The following PHKB variants were observed in gnomAD, a reference collection of about 807,000 sequenced individuals.
The protein encoded by PHKB is phosphorylase b kinase regulatory subunit beta.
Under a neutral mutation model 152.1 loss-of-function variants are expected in PHKB, and 122 were observed. That is an observed-to-expected ratio of 0.80 (90% CI 0.69 to 0.93). The LOEUF (loss-of-function observed/expected upper bound fraction) is 0.93. Among genes scored for constraint, PHKB ranks in the 40% least tolerant of loss-of-function variants. The probability of loss-of-function intolerance (pLI) is 0.00; values close to 1 mark genes in which losing one functional copy is unlikely to be tolerated. For synonymous variants in PHKB, 436 were observed against 464.9 expected (o/e 0.94, Z 0.80); for missense variants, 1,304 against 1,328.4 (o/e 0.98, Z 0.29).
chr16:47,549,895 G>A (rs1315120929), intron 7 of PHKB, among the ~76,000 whole-genome samples: 1 of 152,040 alleles, frequency 6.6e-6, no homozygotes, highest in Non-Finnish European at 1.5e-5. Context: ...AAATCATTAT[G>A]TGATTTTTTT....
intron 1 of PHKB, among the ~76,000 whole-genome samples, chr16:47,483,781 C>T (rs938550024): frequency 7.9e-5 from 12 of 152,282 alleles, no homozygotes; most frequent in South Asian, 2.1e-4. Flanking sequence ...TGCACTGATT[C>T]GTCACCTTAT....
intron 5 of PHKB, among the ~76,000 whole-genome samples, chr16:47,514,964 AGTT>A (rs954559769): frequency 1.3e-5 from 2 of 152,176 alleles, no homozygotes; most frequent in Non-Finnish European, 2.9e-5. Context: ...ATGTTCCTGC[AGTT>A]GTTTACAGAA....
chr16:47,584,733 G>A (rs184125678), intron 8 of PHKB, among the ~76,000 whole-genome samples: 203 of 152,230 alleles, frequency 1.3e-3, no homozygotes, highest in Non-Finnish European at 1.7e-3. Context: ...ATAGTTTTGC[G>A]GTGTGGTTTT....
At chr16:47,622,399 T>G (rs1474354431) in intron 14 of PHKB, among the ~76,000 whole-genome samples, 1 of 152,198 alleles carries the variant, frequency 6.6e-6, no homozygotes, top group African/African-American at 2.4e-5. Flanking sequence ...AACAAAGGAT[T>G]GGGCTTTGGG....
rs184116624 is a variant in PHKB at position 47,505,757 on chromosome 16, G to A, written c.405+2667G>A. ...TTTGCACTTGAAAATAATAGGCCAG[G>A]CATGGTGGCTCACGCCTAAAATCAC... On this transcript the variant is annotated intron_variant, in intron 4 of 30. Transcript: ENST00000323584. Among the ~76,000 whole-genome samples the A allele has an allele frequency of 4.2e-3, 634 of 152,128 alleles. 6 individuals carry two copies. Among genetic ancestry groups the A allele is most frequent in the African/African-American group, 0.015 (604 of 41,520 alleles).
chr16:47,692,557 A>G (rs1408864857), intron 27 of PHKB, among the ~76,000 whole-genome samples: 1 of 152,122 alleles, frequency 6.6e-6, no homozygotes, highest in African/African-American at 2.4e-5. Context: ...TAGAGGTTGC[A>G]GTGAGCTATG....
At chr16:47,492,675 AAAAAG>A (rs1426155332) in intron 1 of PHKB, among the ~76,000 whole-genome samples, 1 of 152,170 alleles carries the variant, frequency 6.6e-6, no homozygotes, top group Non-Finnish European at 1.5e-5. Flanking sequence ...TTCCGTCACA[AAAAAG>A]AAAGGAAAAT....
rs1481161104 is a variant in PHKB, at chr16:47,580,361, A to G, written c.774+3A>G. On this transcript the variant is annotated splice_donor_region_variant and intron_variant, in intron 8 of 30. Coordinates refer to ENST00000323584, the MANE Select transcript of PHKB (RefSeq NM_000293.3). Reference sequence around the variant, plus strand: ...GATTCAACCTTTTTGGCAACCAGGTAAAAAATAAGACCCCCAGAATCTTTG... The same window carrying G: ...GATTCAACCTTTTTGGCAACCAGGTGAAAAATAAGACCCCCAGAATCTTTG... 5 of 1,597,880 alleles carry G rather than the reference A, an allele frequency of 3.1e-6. No homozygotes were observed. The highest frequency in any genetic ancestry group is 1.7e-5 in the Admixed American group (1 of 59,972).
chr16:47,566,682 A>G (rs923473666), intron 7 of PHKB: 6 of 833,810 alleles, frequency 7.2e-6, no homozygotes, highest in Admixed American at 6.8e-5. Flanking sequence ...AGTGGGAAGG[A>G]TGGAACGGTC....
In PHKB at chr16:47,693,371, G is replaced by A. The variant is rs199719186; in HGVS notation, c.2766-7G>A. 4.0e-5 allele frequency: 65 copies of A among 1,613,932 alleles called. No homozygotes were observed. In the African/African-American group the frequency reaches 7.6e-4, roughly 19 times the overall value. ...TTCAACTCTGAGACATTTGCCTTTT[G>A]TTACAGATGTTGGCTGAACAGGCGT... On this transcript the variant is annotated splice_polypyrimidine_tract_variant and splice_region_variant and intron_variant, in intron 27 of 30. Transcript: ENST00000323584.
At chr16:47,604,976 C>T (rs1368110675) in intron 13 of PHKB, among the ~76,000 whole-genome samples, 1 of 152,114 alleles carries the variant, frequency 6.6e-6, no homozygotes, top group African/African-American at 2.4e-5. Flanking sequence ...TCAGGATTGT[C>T]ACTCTTCACC....
chr16:47,683,485 C>T (rs1054816055), intron 26 of PHKB, among the ~76,000 whole-genome samples: 3 of 152,204 alleles, frequency 2.0e-5, no homozygotes, highest in Non-Finnish European at 2.9e-5. Context: ...CTCCCACCCT[C>T]GCTGCCGCCT....
At chr16:47,498,108 G>A (rs930350847) in intron 2 of PHKB, among the ~76,000 whole-genome samples, 2 of 152,068 alleles carry the variant, frequency 1.3e-5, no homozygotes, top group African/African-American at 4.8e-5. Flanking sequence ...CTTGTACTAG[G>A]ATGGCAGAAA....
intron 13 of PHKB, among the ~76,000 whole-genome samples, chr16:47,602,449 A>AACACCCAGCAAACTTGT (rs1207794049): frequency 2.0e-5 from 3 of 152,058 alleles, no homozygotes; most frequent in Non-Finnish European, 4.4e-5. Flanking sequence ...AATGATTATT[A>AACACCCAGCAAACTTGT]ACACCCAGCA....
intron 6 of PHKB, among the ~76,000 whole-genome samples, chr16:47,542,851 G>C (rs1470377436): frequency 6.6e-6 from 1 of 152,152 alleles, no homozygotes; most frequent in African/African-American, 2.4e-5. Context: ...CATTGATTTT[G>C]TATCCTGAGA....
At chr16:47,564,990 T>G in intron 7 of PHKB, 2 of 242,800 alleles carry the variant, frequency 8.2e-6, no homozygotes, top group East Asian at 1.1e-4. Context: ...AGATGGTGAG[T>G]TTTATTTTGT....
rs947519053 is a variant in PHKB at position 47,682,185 on chromosome 16, C to T, written c.2631-6856C>T. On this transcript the variant is annotated intron_variant, in intron 26 of 30. Transcript: ENST00000323584. Reference sequence around the variant, plus strand: ...GTTACCCGACCTTTCTCTCTGGCTGCCCTTAACATTTTTTCTTTCATTTCA... The same window carrying T: ...GTTACCCGACCTTTCTCTCTGGCTGTCCTTAACATTTTTTCTTTCATTTCA... Among the ~76,000 whole-genome samples, 10 of 152,258 alleles carry T rather than the reference C, an allele frequency of 6.6e-5. 1 individual carries two copies. The highest frequency in any genetic ancestry group is 4.6e-4 in the Admixed American group (7 of 15,296).
intron 1 of PHKB, among the ~76,000 whole-genome samples, chr16:47,478,466 A>ATTTTT (rs199656987): frequency 3.9e-5 from 5 of 127,884 alleles, no homozygotes; most frequent in East Asian, 2.2e-4. Flanking sequence ...TTGCTGTGAA[A>ATTTTT]TTTTTTTTTT....
intron 6 of PHKB, among the ~76,000 whole-genome samples, chr16:47,519,271 C>T (rs922899306): frequency 2.1e-4 from 32 of 152,164 alleles, no homozygotes; most frequent in Admixed American, 1.9e-3. Flanking sequence ...TGGAATTTCT[C>T]TCTTATTGTA....
Sources: allele counts gnomAD v4.1 joint callset (sites outside exome capture counted in the v4.1 genomes callset), GRCh38; gene constraint gnomAD v4.1.1; transcripts MANE v1.5; gene names NCBI Gene and HGNC (gene_info 2026-07-23, HGNC 2026-07-21).